Variants in GABPB2 observed in about 807,000 individuals in gnomAD.
GABPB2 encodes GA-binding protein subunit beta-2.
A neutral mutation model predicts 39.1 loss-of-function variants in GABPB2; 23 were observed. The observed-to-expected ratio is 0.59, with a 90% confidence interval of 0.42 to 0.83. The LOEUF is 0.83. Ranked by LOEUF, GABPB2 falls within the 40% of genes least tolerant of loss-of-function variation. GABPB2 has a pLI of 0.00. For synonymous variants in GABPB2, 184 were observed against 199.3 expected, an observed-to-expected ratio of 0.92 and a Z score of 0.65; for missense variants, 467 against 541.1, an observed-to-expected ratio of 0.86 and a Z score of 1.36.
rs771380733 is a variant in GABPB2 at position 151,114,808 on chromosome 1, G to C, written c.923-2584G>C. ...GTGAATCACCTGAGATCAGGAGTTT[G>C]AGACCAGCCTGCCCAACATGGCAAA... is the stretch of plus-strand genomic sequence containing the variant. On this transcript the variant is annotated intron_variant, in intron 7 of 8. Coordinates refer to ENST00000368918, the MANE Select transcript of GABPB2 (RefSeq NM_144618.3). 4.6e-5 allele frequency among the ~76,000 whole-genome samples: 7 copies of C among 152,234 alleles called. 1 individual carries two copies. The highest frequency in any genetic ancestry group is 1.7e-4 in the African/African-American group (7 of 41,550).
intron 6 of GABPB2, among the ~76,000 whole-genome samples, chr1:151,104,814 C>CTTTCTTT (rs1402126253): frequency 4.4e-4 from 16 of 36,290 alleles, no homozygotes; most frequent in Non-Finnish European, 8.2e-4. Context: ...TTCTTTCTTT[C>CTTTCTTT]CTTTCTTTCT....
chr1:151,089,047 A>G (rs1047093535), intron 2 of GABPB2, among the ~76,000 whole-genome samples: 8 of 152,136 alleles, frequency 5.3e-5, no homozygotes, highest in Non-Finnish European at 1.2e-4. Context: ...TTCAAAAAAC[A>G]TTAAAGAGGA....
At chr1:151,082,455 G>A (rs1339264432) in intron 1 of GABPB2, among the ~76,000 whole-genome samples, 1 of 128,148 alleles carries the variant, frequency 7.8e-6, no homozygotes, top group East Asian at 2.5e-4. Context: ...AGGCTGGAGT[G>A]TGGTAGCTCG....
rs761617149 is a variant in GABPB2, at chr1:151,077,513, C to T, written c.-1+6579C>T. 6.6e-5 allele frequency among the ~76,000 whole-genome samples: 10 copies of T among 151,960 alleles called. No individual in the cohort carries two copies. The East Asian group carries it at 1.4e-3, about 21-fold the overall frequency. On this transcript the variant is annotated intron_variant, in intron 1 of 8. Transcript: ENST00000368918. ...CTGGGACTACAGGCATGCAACACCA[C>T]GCCCAGCTAATTTTTGTATTTTTAG...
rs587600669 is a variant in GABPB2, at chr1:151,120,847, C to A, written c.*2591C>A. 6.6e-6 allele frequency: 1 copy of A among 150,526 alleles called. No homozygotes were observed. Among genetic ancestry groups the A allele is most frequent in the Non-Finnish European group, 1.5e-5 (1 of 67,898 alleles). 9.3% of individuals were successfully genotyped at this position (150,526 alleles called of 1,614,324 possible). ...TCTCAACTCACCGCAACTTCCACCT[C>A]CCGGTTTCAAGCTATTCTCCTGCCT... On this transcript the variant is annotated 3_prime_UTR_variant, in exon 9 of 9. Coordinates refer to ENST00000368918, the MANE Select transcript of GABPB2 (RefSeq NM_144618.3).
At chr1:151,090,928 G>A in intron 3 of GABPB2, among the ~76,000 whole-genome samples, 1 of 151,692 alleles carries the variant, frequency 6.6e-6, no homozygotes, top group East Asian at 2.0e-4. Context: ...AACCTGGGAG[G>A]CGGAGGTTGT....
chr1:151,117,860 A>T, intron 8 of GABPB2, 97 bp from the exon 9 acceptor site: 2 of 1,169,634 alleles, frequency 1.7e-6, no homozygotes, highest in Non-Finnish European at 2.5e-6. Context: ...CTTGGATTAT[A>T]GGTGTGAGGC....
At chr1:151,110,109 G>A (rs936753130) in intron 7 of GABPB2, among the ~76,000 whole-genome samples, 2 of 133,586 alleles carry the variant, frequency 1.5e-5, no homozygotes, top group Non-Finnish European at 3.1e-5. Flanking sequence ...TGATCTGCCT[G>A]CCTTGGCCTC....
At chr1:151,084,368 A>G (rs1677989274) in intron 1 of GABPB2, among the ~76,000 whole-genome samples, 1 of 151,416 alleles carries the variant, frequency 6.6e-6, no homozygotes, top group Non-Finnish European at 1.5e-5. Context: ...GATTACAGGC[A>G]TGCGCCACCA....
intron 1 of GABPB2, among the ~76,000 whole-genome samples, chr1:151,081,721 A>C (rs1326330807): frequency 6.6e-6 from 1 of 151,344 alleles, no homozygotes; most frequent in Admixed American, 6.6e-5. Flanking sequence ...TGCAACCACC[A>C]CCTCCCAGGT....
In GABPB2 at chr1:151,123,136, A is replaced by G. The variant is rs1233813824; in HGVS notation, c.*4880A>G. 1 of 152,226 alleles carries G rather than the reference A, an allele frequency of 6.6e-6. No homozygotes were observed. Among genetic ancestry groups the G allele is most frequent in the Admixed American group, 6.5e-5 (1 of 15,272 alleles). 9.4% of individuals were successfully genotyped at this position (152,226 alleles called of 1,614,324 possible). On this transcript the variant is annotated 3_prime_UTR_variant, in exon 9 of 9. Transcript: ENST00000368918. Reference sequence around the variant, plus strand: ...TAGAGGATTCCAACTGTTTATTGGCAAGGTTGGATTATTAAGAATCAAATA... The same window carrying G: ...TAGAGGATTCCAACTGTTTATTGGCGAGGTTGGATTATTAAGAATCAAATA...
At chr1:151,081,226 T>C (rs587623241) in intron 1 of GABPB2, among the ~76,000 whole-genome samples, 30 of 151,540 alleles carry the variant, frequency 2.0e-4, no homozygotes, top group East Asian at 6.0e-4. Context: ...TGGTGGCTCA[T>C]GCCTATAATC....
chr1:151,087,183 C>T (rs587734915), intron 1 of GABPB2, among the ~76,000 whole-genome samples: 2 of 148,664 alleles, frequency 1.3e-5, no homozygotes, highest in South Asian at 4.2e-4. Flanking sequence ...GAGACGGTTT[C>T]GCCATTTTGC....
At chr1:151,117,564 A>G in intron 8 of GABPB2, 48 bp downstream of exon 8, 1 of 1,579,886 alleles carries the variant, frequency 6.3e-7, no homozygotes, top group Non-Finnish European at 8.6e-7. Context: ...TTAATTATTA[A>G]GGCCTGAACC....
chr1:151,107,075 T>C lies in GABPB2; in HGVS notation c.775T>C (p.Ser259Pro). ...AATTATAGAAGGAAATTCCGTTGACTCATCAATCCAGCAAGTAATGGGGAG... is the reference window on the plus strand; with the variant it reads ...AATTATAGAAGGAAATTCCGTTGACCCATCAATCCAGCAAGTAATGGGGAG... ...EEIIEGNSVD[S>P]SIQQVMGSGG... is the part of the protein sequence containing the mutation. The change falls in exon 7 of 9, where the codon TCA becomes CCA. Residue 259 changes from serine to proline, a missense_variant. Ser to Pro is a moderately conservative substitution (Grantham distance 74). Transcript: ENST00000368918. The C allele has an allele frequency of 6.2e-7, 1 of 1,610,990 alleles. No homozygotes were observed. Among genetic ancestry groups the C allele is most frequent in the African/African-American group, 1.3e-5 (1 of 74,830 alleles).
intron 5 of GABPB2, among the ~76,000 whole-genome samples, chr1:151,099,739 A>G (rs1250983176): frequency 6.6e-6 from 1 of 152,248 alleles, no homozygotes; most frequent in Non-Finnish European, 1.5e-5. Flanking sequence ...TTTTGGAATC[A>G]GAATTGTGCT....
chr1:151,106,653 A>T (rs1679992119), intron 6 of GABPB2, among the ~76,000 whole-genome samples: 1 of 152,206 alleles, frequency 6.6e-6, no homozygotes, highest in African/African-American at 2.4e-5. Flanking sequence ...AGAGTATCTT[A>T]TACTCTGTTG....
chr1:151,085,854 C>T (rs1412534139), intron 1 of GABPB2, among the ~76,000 whole-genome samples: 1 of 152,140 alleles, frequency 6.6e-6, no homozygotes, highest in Non-Finnish European at 1.5e-5. Flanking sequence ...CGGATAGGCA[C>T]AGTGGCTCAT....
chr1:151,115,006 C>T (rs587624796), intron 7 of GABPB2, among the ~76,000 whole-genome samples: 17 of 152,148 alleles, frequency 1.1e-4, no homozygotes, highest in Admixed American at 9.2e-4. Flanking sequence ...AGCCAGACTC[C>T]GTCTCAAGAA....
Sources: gnomAD v4.1 joint callset for allele counts (sites outside exome capture counted in the v4.1 genomes callset) on GRCh38, gnomAD v4.1.1 for gene constraint, MANE v1.5 for transcripts, NCBI Gene and HGNC (gene_info 2026-07-23, HGNC 2026-07-21) for gene names.